Variants in PTPRD observed in about 807,000 individuals in gnomAD.
The protein encoded by PTPRD is receptor-type tyrosine-protein phosphatase delta.
In PTPRD, 34 loss-of-function variants were observed where a neutral mutation model predicts 214.5. That is an observed-to-expected ratio of 0.16 (90% confidence interval 0.12 to 0.21). The LOEUF is 0.21. Among genes scored for constraint, PTPRD ranks in the 10% least tolerant of loss-of-function variants. The pLI is 1.00. For synonymous variants in PTPRD, 1,128 were observed against 845.7 expected (o/e 1.33, Z -5.79); for missense variants, 2,545 against 2,398.7 (o/e 1.06, Z -1.27).
intron 3 of PTPRD, among the ~76,000 whole-genome samples, chr9:10,326,427 TG>T (rs1168010284): frequency 7.9e-5 from 12 of 151,754 alleles, no homozygotes; most frequent in Non-Finnish European, 1.5e-5. Context: ...TACAGAATTT[TG>T]ATAGAAAAAT....
intron 10 of PTPRD, among the ~76,000 whole-genome samples, chr9:9,143,000 G>T (rs2099862843): frequency 6.6e-6 from 1 of 152,178 alleles, no homozygotes; most frequent in East Asian, 1.9e-4. Context: ...CAGAGCTCCT[G>T]GGAATGGCCC....
intron 44 of PTPRD, among the ~76,000 whole-genome samples, chr9:8,325,758 A>C (rs1483434575): frequency 6.6e-5 from 10 of 152,110 alleles, no homozygotes; most frequent in Admixed American, 6.6e-4. Context: ...TGTTTCATTG[A>C]ACAGTGGTTT....
At chr9:9,911,276 G>A (rs959719883) in intron 5 of PTPRD, among the ~76,000 whole-genome samples, 1 of 152,010 alleles carries the variant, frequency 6.6e-6, no homozygotes, top group African/African-American at 2.4e-5. Context: ...ATACTGCATT[G>A]TGACACTTCT....
intron 2 of PTPRD, among the ~76,000 whole-genome samples, chr9:10,410,731 T>C (rs530480280): frequency 2.6e-5 from 4 of 151,894 alleles, no homozygotes; most frequent in African/African-American, 7.2e-5. Context: ...TTTTTCCCAA[T>C]CTTAACAAGT....
intron 11 of PTPRD, among the ~76,000 whole-genome samples, chr9:8,823,276 T>C (rs2097108199): frequency 6.6e-6 from 1 of 152,190 alleles, no homozygotes; most frequent in South Asian, 2.1e-4. Flanking sequence ...CTGGATGATT[T>C]CATCCCTTCC....
intron 3 of PTPRD, among the ~76,000 whole-genome samples, chr9:10,283,727 A>T (rs1237699896): frequency 6.6e-6 from 1 of 152,184 alleles, no homozygotes; most frequent in Non-Finnish European, 1.5e-5. Flanking sequence ...ATAGGATAAA[A>T]ACTTTCATCT....
At chr9:9,797,299 A>G (rs568832959) in intron 5 of PTPRD, among the ~76,000 whole-genome samples, 1 of 92,412 alleles carries the variant, frequency 1.1e-5, no homozygotes, top group South Asian at 3.1e-4. Context: ...GTTTTTTTGC[A>G]TGTATTTCAA....
intron 7 of PTPRD, among the ~76,000 whole-genome samples, chr9:9,669,359 G>C (rs182853956): frequency 1.3e-5 from 2 of 152,220 alleles, no homozygotes; most frequent in African/African-American, 2.4e-5. Flanking sequence ...ATTAGTTCTG[G>C]ACCAAACGTA....
chr9:10,002,473 G>GA (rs2096349273), intron 4 of PTPRD, among the ~76,000 whole-genome samples: 1 of 150,588 alleles, frequency 6.6e-6, no homozygotes, highest in African/African-American at 2.4e-5. Context: ...CAAATCAGTT[G>GA]AAAATAAAAG....
At chr9:10,516,939 T>G (rs1394275457) in intron 2 of PTPRD, among the ~76,000 whole-genome samples, 2 of 152,096 alleles carry the variant, frequency 1.3e-5, no homozygotes, top group East Asian at 3.9e-4. Context: ...TATATGTGTC[T>G]TTATGTTTGT....
intron 6 of PTPRD, among the ~76,000 whole-genome samples, chr9:9,762,114 G>A (rs2098663034): frequency 6.6e-6 from 1 of 152,160 alleles, no homozygotes; most frequent in Non-Finnish European, 1.5e-5. Context: ...CTCCAGGACA[G>A]TCCTGCCCTC....
intron 35 of PTPRD, among the ~76,000 whole-genome samples, chr9:8,407,343 A>C (rs1564594607): frequency 6.6e-6 from 1 of 152,156 alleles, no homozygotes; most frequent in Non-Finnish European, 1.5e-5. Context: ...AACTGAAGTA[A>C]AGAAAGATTA....
rs549991330 is a variant in PTPRD at position 9,811,464 on chromosome 9, T to G, written c.-367-44613A>C. Among the ~76,000 whole-genome samples, 14 of 152,140 alleles carry G rather than the reference T, an allele frequency of 9.2e-5. No homozygotes were observed. The East Asian group carries it at 2.7e-3, about 30-fold the overall frequency. On this transcript the variant is annotated intron_variant, in intron 5 of 45. Coordinates refer to ENST00000381196, the MANE Select transcript of PTPRD (RefSeq NM_002839.4). ...GGCTCAGGCCTGTAATCCCAGCACT[T>G]TGGGAGGCCGAGGTGGGCGGATCAT...
At chr9:10,423,120 C>G (rs992212544) in intron 2 of PTPRD, among the ~76,000 whole-genome samples, 3 of 152,018 alleles carry the variant, frequency 2.0e-5, no homozygotes, top group Non-Finnish European at 4.4e-5. Context: ...GAATACTATG[C>G]AGCCATAAAA....
intron 8 of PTPRD, among the ~76,000 whole-genome samples, chr9:9,462,732 A>G (rs535923645): frequency 7.1e-4 from 108 of 152,240 alleles, no homozygotes; most frequent in African/African-American, 2.4e-3. Flanking sequence ...ATCACCTAAC[A>G]GGGAAAAATG....
intron 7 of PTPRD, among the ~76,000 whole-genome samples, chr9:9,669,295 T>C (rs1056996735): frequency 3.3e-5 from 5 of 152,124 alleles, no homozygotes; most frequent in African/African-American, 1.2e-4. Flanking sequence ...ACACAACAGA[T>C]AGAGATTCTA....
At chr9:8,744,804 A>T (rs1488475988) in intron 11 of PTPRD, among the ~76,000 whole-genome samples, 7 of 152,234 alleles carry the variant, frequency 4.6e-5, no homozygotes, top group Non-Finnish European at 1.0e-4. Context: ...TGAAATAAAA[A>T]ATAAATTTTA....
chr9:8,971,756 T>C (rs7021685), intron 11 of PTPRD, among the ~76,000 whole-genome samples: 1 of 150,848 alleles, frequency 6.6e-6, no homozygotes, highest in Non-Finnish European at 1.5e-5. Flanking sequence ...GCAAGAATTA[T>C]ATATATATTA....
intron 3 of PTPRD, among the ~76,000 whole-genome samples, chr9:10,044,787 T>A (rs2097359836): frequency 6.6e-6 from 1 of 151,606 alleles, no homozygotes; most frequent in African/African-American, 2.4e-5. Context: ...GCACAAACCT[T>A]CAGAAGCTAT....
Sources: allele counts gnomAD v4.1 joint callset (sites outside exome capture counted in the v4.1 genomes callset), GRCh38; gene constraint gnomAD v4.1.1; transcripts MANE v1.5; gene names NCBI Gene and HGNC (gene_info 2026-07-23, HGNC 2026-07-21).